The following CCDC192 variants were observed in gnomAD, a reference collection of about 807,000 sequenced individuals.
The protein encoded by CCDC192 is coiled-coil domain-containing protein 192.
chr5:127,777,983 A>G (rs1580641813), intron 3 of CCDC192, among the ~76,000 whole-genome samples: 2 of 152,030 alleles, frequency 1.3e-5, no homozygotes, highest in South Asian at 4.2e-4. Context: ...ATACTCTGCA[A>G]CTTTACCAAA....
intron 5 of CCDC192, among the ~76,000 whole-genome samples, chr5:127,822,535 A>G (rs980320840): frequency 1.3e-5 from 2 of 152,202 alleles, no homozygotes; most frequent in African/African-American, 2.4e-5. Flanking sequence ...AAAAAGAAAA[A>G]GAAAAACAGA....
In CCDC192 at chr5:127,923,503, G is replaced by A. The variant is rs543002006; in HGVS notation, c.536-17679G>A. 3.3e-5 allele frequency among the ~76,000 whole-genome samples: 5 copies of A among 151,652 alleles called. No individual in the cohort carries two copies. In the East Asian group the frequency reaches 9.7e-4, roughly 29 times the overall value. ...CGCCATTCTCCTGCCTCAGCCTCCC[G>A]AGTAGCTGGGACTACAGGCGCCCGC... is the stretch of plus-strand genomic sequence containing the variant. On this transcript the variant is annotated intron_variant, in intron 6 of 6. Transcript: ENST00000514853.
At chr5:127,896,284 A>G (rs530840166) in intron 6 of CCDC192, among the ~76,000 whole-genome samples, 2 of 152,186 alleles carry the variant, frequency 1.3e-5, no homozygotes, top group South Asian at 4.1e-4. Flanking sequence ...TACAAATAAT[A>G]ATAATAATAA....
intron 6 of CCDC192, among the ~76,000 whole-genome samples, chr5:127,893,682 G>A (rs1752792450): frequency 6.6e-6 from 1 of 152,080 alleles, no homozygotes; most frequent in South Asian, 2.1e-4. Flanking sequence ...TTAACATAAG[G>A]GACAGAAATC....
At chr5:127,788,083 GAAAA>G (rs60238996) in intron 3 of CCDC192, among the ~76,000 whole-genome samples, 4 of 94,648 alleles carry the variant, frequency 4.2e-5, no homozygotes, top group African/African-American at 7.9e-5. Context: ...CTTCACCTCA[GAAAA>G]AAAAAAAAAA....
chr5:127,826,175 A>G (rs1162526990), intron 5 of CCDC192, among the ~76,000 whole-genome samples: 1 of 152,202 alleles, frequency 6.6e-6, no homozygotes, highest in Non-Finnish European at 1.5e-5. Flanking sequence ...GATTAGAACC[A>G]TAAAAAATGT....
At chr5:127,913,089 A>G (rs889399160) in intron 6 of CCDC192, among the ~76,000 whole-genome samples, 2 of 152,206 alleles carry the variant, frequency 1.3e-5, no homozygotes, top group African/African-American at 4.8e-5. Context: ...GGACAAGACA[A>G]ATGGTTTTGG....
At chr5:127,754,196 C>T (rs1380443594) in intron 2 of CCDC192, 72 bp from the exon 3 acceptor site, 1 of 395,854 alleles carries the variant, frequency 2.5e-6, no homozygotes, top group Non-Finnish European at 4.4e-6. Context: ...CTTATCAAGT[C>T]CATAAGATTG....
At chr5:127,839,818 T>C (rs1750205229) in intron 5 of CCDC192, among the ~76,000 whole-genome samples, 1 of 152,116 alleles carries the variant, frequency 6.6e-6, no homozygotes, top group Admixed American at 6.5e-5. Context: ...ATGATCCTTT[T>C]ATGTACAAAT....
At chr5:127,722,234 G>T (rs1022855538) in intron 2 of CCDC192, among the ~76,000 whole-genome samples, 1 of 151,864 alleles carries the variant, frequency 6.6e-6, no homozygotes, top group Non-Finnish European at 1.5e-5. Flanking sequence ...GCACTTCTTC[G>T]TATGGCTGTT....
At chr5:127,738,240 A>G (rs1753149499) in intron 2 of CCDC192, among the ~76,000 whole-genome samples, 1 of 148,342 alleles carries the variant, frequency 6.7e-6, no homozygotes, top group East Asian at 2.0e-4. Context: ...CTTTCCTTTA[A>G]GAATGTTGAA....
At chr5:127,747,207 TA>T (rs1753810944) in intron 2 of CCDC192, among the ~76,000 whole-genome samples, 1 of 152,032 alleles carries the variant, frequency 6.6e-6, no homozygotes, top group African/African-American at 2.4e-5. Flanking sequence ...CTGCACCCAC[TA>T]ACTCGTCATC....
chr5:127,790,097 G>T (rs1376148349), intron 3 of CCDC192, among the ~76,000 whole-genome samples: 2 of 152,196 alleles, frequency 1.3e-5, no homozygotes, highest in Non-Finnish European at 2.9e-5. Flanking sequence ...AGCTGTGGGG[G>T]TGACATTTCC....
Position 127,752,683 on chromosome 5 carries a change from T to G in CCDC192, c.115-1585T>G, listed in dbSNP as rs1052522599. Among the ~76,000 whole-genome samples, 401 of 152,356 alleles carry G rather than the reference T, an allele frequency of 2.6e-3. 1 individual carries two copies. Among genetic ancestry groups the G allele is most frequent in the African/African-American group, 7.6e-3 (315 of 41,596 alleles). On this transcript the variant is annotated intron_variant, in intron 2 of 6. Transcript: ENST00000514853. ...GCTGCTTTGTTTACCTAAGCAAGCC[T>G]GGGCAATGGCGGGCGCCCCTCCCCC...
intron 6 of CCDC192, among the ~76,000 whole-genome samples, chr5:127,877,423 A>C (rs1383096112): frequency 6.6e-6 from 1 of 152,170 alleles, no homozygotes; most frequent in Non-Finnish European, 1.5e-5. Flanking sequence ...TTAAAATTTA[A>C]ATAAAGCCAG....
chr5:127,905,092 G>A, intron 6 of CCDC192, among the ~76,000 whole-genome samples: 1 of 151,916 alleles, frequency 6.6e-6, no homozygotes, highest in Non-Finnish European at 1.5e-5. Context: ...AGGACCACTG[G>A]GAGTACAGAA....
intron 2 of CCDC192, among the ~76,000 whole-genome samples, chr5:127,710,679 A>G (rs1261122209): frequency 1.3e-5 from 2 of 152,082 alleles, no homozygotes; most frequent in Non-Finnish European, 2.9e-5. Flanking sequence ...GTCCCTCTGA[A>G]TCCGTAGAGC....
chr5:127,841,601 C>T (rs1301177459), intron 5 of CCDC192, among the ~76,000 whole-genome samples: 2 of 152,128 alleles, frequency 1.3e-5, no homozygotes, highest in African/African-American at 4.8e-5. Context: ...CATGTAACCC[C>T]TCTGGAGCAA....
chr5:127,710,683 G>T lies in CCDC192; in HGVS notation c.114+2923G>T, dbSNP rs548046371. On this transcript the variant is annotated intron_variant, in intron 2 of 6. Transcript: ENST00000514853. ...TGAAATTCCCTGTCCCTCTGAATCC[G>T]TAGAGCAGCCCATGAGGGTGGTGTC... Among the ~76,000 whole-genome samples, 33 of 152,190 alleles carry T rather than the reference G, an allele frequency of 2.2e-4. No individual in the cohort carries two copies. In the South Asian group the frequency reaches 3.3e-3, roughly 15 times the overall value.
Sources: gnomAD v4.1 joint callset for allele counts (sites outside exome capture counted in the v4.1 genomes callset) on GRCh38, gnomAD v4.1.1 for gene constraint, MANE v1.5 for transcripts, NCBI Gene and HGNC (gene_info 2026-07-23, HGNC 2026-07-21) for gene names.